Variants in BRINP3 observed in about 807,000 individuals in gnomAD.
BRINP3 encodes BMP/retinoic acid inducible neural specific 3, also known as BMP/retinoic acid-inducible neural-specific protein 3.
BRINP3 carries 19 observed loss-of-function variants against 71.0 expected under a neutral mutation model. The ratio of observed to expected loss-of-function variants is 0.27; its 90% CI spans 0.19 to 0.39. The LOEUF is 0.39. BRINP3 is among the 10% of genes least tolerant of loss of function. The pLI is 1.00. For missense variants in BRINP3, 959 were observed against 940.8 expected (o/e 1.02, Z -0.25); for synonymous variants, 380 against 337.7 (o/e 1.13, Z -1.37).
intron 1 of BRINP3, among the ~76,000 whole-genome samples, chr1:190,472,118 T>C (rs1381091023): frequency 6.6e-6 from 1 of 151,594 alleles, no homozygotes; most frequent in East Asian, 1.9e-4. Context: ...TATATTTTGT[T>C]TTCATAACAT....
At chr1:190,378,059 C>T (rs1263110193) in intron 2 of BRINP3, among the ~76,000 whole-genome samples, 5 of 152,042 alleles carry the variant, frequency 3.3e-5, no homozygotes, top group Admixed American at 1.3e-4. Context: ...GGACGGAATA[C>T]TGAAGCAATC....
chr1:190,368,177 G>A (rs1255394169), intron 2 of BRINP3, among the ~76,000 whole-genome samples: 4 of 152,086 alleles, frequency 2.6e-5, no homozygotes, highest in African/African-American at 9.7e-5. Flanking sequence ...CGCATAACTG[G>A]GGAGGCCTCA....
intron 2 of BRINP3, among the ~76,000 whole-genome samples, chr1:190,433,590 C>T (rs1674250933): frequency 6.6e-6 from 1 of 152,100 alleles, no homozygotes; most frequent in African/African-American, 2.4e-5. Context: ...TTTTTAGACC[C>T]ATTTCTATTC....
chr1:190,149,464 A>C (rs1435752104), intron 7 of BRINP3, among the ~76,000 whole-genome samples: 3 of 152,212 alleles, frequency 2.0e-5, no homozygotes, highest in African/African-American at 7.2e-5. Flanking sequence ...TCAGTTCAAC[A>C]GGAATTTAGA....
chr1:190,176,680 T>C (rs1281177385), intron 6 of BRINP3, among the ~76,000 whole-genome samples: 2 of 152,184 alleles, frequency 1.3e-5, no homozygotes, highest in Middle Eastern at 3.2e-3. Flanking sequence ...TTTACCTTTT[T>C]TTCATCTCTG....
intron 7 of BRINP3, among the ~76,000 whole-genome samples, chr1:190,121,450 C>A (rs1415406568): frequency 6.6e-6 from 1 of 151,976 alleles, no homozygotes; most frequent in Non-Finnish European, 1.5e-5. Context: ...TGATAAAAAT[C>A]AAAACAGATA....
rs1651327828 is a variant in BRINP3 at position 190,097,693 on chromosome 1, T to A, written c.*325A>T. On this transcript the variant is annotated 3_prime_UTR_variant, in exon 8 of 8. Coordinates refer to ENST00000367462, the MANE Select transcript of BRINP3 (RefSeq NM_199051.3). The stretch of plus-strand genomic sequence containing the variant: ...ATAACTGTTCAGCTACAAAATTTTA[T>A]TGGTATCTTTTTATGTTCCCTCTAG... 5.1e-6 allele frequency: 1 copy of A among 196,034 alleles called. No individual in the cohort carries two copies. Among genetic ancestry groups the A allele is most frequent in the East Asian group, 1.2e-4 (1 of 8,180 alleles). The allele number at this position is 196,034 out of a possible 1,614,324, so 12.1% of individuals were successfully genotyped here. A position where few individuals can be genotyped will look rare whatever the true frequency, so the allele number is the denominator to read the frequency against.
At chr1:190,436,238 T>A (rs528772962) in intron 2 of BRINP3, among the ~76,000 whole-genome samples, 1 of 151,956 alleles carries the variant, frequency 6.6e-6, no homozygotes, top group East Asian at 1.9e-4. Context: ...TAGTTAGATA[T>A]AGACAAATGG....
intron 2 of BRINP3, among the ~76,000 whole-genome samples, chr1:190,369,870 T>C (rs1208488211): frequency 6.6e-6 from 1 of 150,842 alleles, no homozygotes; most frequent in Non-Finnish European, 1.5e-5. Flanking sequence ...AACTAATAAT[T>C]AATAGCCACT....
chr1:190,142,920 T>A (rs544179750), intron 7 of BRINP3, among the ~76,000 whole-genome samples: 2 of 151,998 alleles, frequency 1.3e-5, no homozygotes, highest in African/African-American at 4.8e-5. Flanking sequence ...ATTGAAAAAA[T>A]TTCCTGAAAG....
At chr1:190,427,352 C>T (rs1406414840) in intron 2 of BRINP3, among the ~76,000 whole-genome samples, 3 of 151,630 alleles carry the variant, frequency 2.0e-5, no homozygotes, top group Non-Finnish European at 1.5e-5. Flanking sequence ...AAAGTGAGTA[C>T]TAAATATAGG....
chr1:190,217,348 CA>C lies in BRINP3; in HGVS notation c.961+8733del, dbSNP rs796107657. Among the ~76,000 whole-genome samples the C allele has an allele frequency of 5.9e-4, 86 of 145,144 alleles. 2 individuals carry two copies. The highest frequency in any genetic ancestry group is 1.4e-3 in the African/African-American group (55 of 39,816). ...TATATTTTGTTTATCTGTTATGAGG[CA>C]AAAAAAAAATGTTTCTCTTAACCAA... On this transcript the variant is annotated intron_variant, in intron 6 of 7. Coordinates refer to ENST00000367462, the MANE Select transcript of BRINP3 (RefSeq NM_199051.3).
intron 1 of BRINP3, among the ~76,000 whole-genome samples, chr1:190,473,540 C>CTTTTTTT (rs201424484): frequency 7.5e-6 from 1 of 133,078 alleles, no homozygotes; most frequent in Non-Finnish European, 1.6e-5. Flanking sequence ...TAATTTTTCT[C>CTTTTTTT]TTTTTTTTTT....
intron 5 of BRINP3, 30 bp from the exon 6 acceptor site, chr1:190,226,348 T>G: frequency 7.4e-7 from 1 of 1,346,136 alleles, no homozygotes; most frequent in Non-Finnish European, 1.0e-6. Flanking sequence ...AATTAACAAA[T>G]TTACTTTGTT....
At chr1:190,312,056 T>TAC (rs1553287426) in intron 2 of BRINP3, among the ~76,000 whole-genome samples, 2 of 140,098 alleles carry the variant, frequency 1.4e-5, no homozygotes, top group Non-Finnish European at 3.1e-5. Context: ...TATATATATA[T>TAC]ATATATATAT....
intron 2 of BRINP3, among the ~76,000 whole-genome samples, chr1:190,296,872 A>G (rs1664291399): frequency 6.6e-6 from 1 of 152,102 alleles, no homozygotes; most frequent in South Asian, 2.1e-4. Context: ...TGTACACTGG[A>G]AATCATAAGG....
chr1:190,164,892 G>C (rs183480474), intron 6 of BRINP3, among the ~76,000 whole-genome samples: 27 of 152,056 alleles, frequency 1.8e-4, no homozygotes, highest in African/African-American at 6.3e-4. Context: ...TAAATAAAAT[G>C]ACATTATTTA....
intron 2 of BRINP3, among the ~76,000 whole-genome samples, chr1:190,286,547 T>C (rs897645130): frequency 3.3e-5 from 5 of 152,172 alleles, no homozygotes; most frequent in Non-Finnish European, 5.9e-5. Flanking sequence ...CCAAAATATA[T>C]TGACAAAAGC....
At chr1:190,430,140 T>C (rs570075612) in intron 2 of BRINP3, among the ~76,000 whole-genome samples, 10 of 152,246 alleles carry the variant, frequency 6.6e-5, no homozygotes, top group South Asian at 2.1e-4. Flanking sequence ...TCACAAAATA[T>C]AGATGTTTAC....
Sources: allele counts gnomAD v4.1 joint callset (sites outside exome capture counted in the v4.1 genomes callset), GRCh38; gene constraint gnomAD v4.1.1; transcripts MANE v1.5; gene names NCBI Gene and HGNC (gene_info 2026-07-23, HGNC 2026-07-21).